METTL6: variants seen among roughly 807,000 people sequenced by gnomAD.
The protein encoded by METTL6 is tRNA N(3)-cytidine methyltransferase METTL6.
METTL6 carries 22 observed loss-of-function variants against 26.4 expected under a neutral mutation model. The observed-to-expected ratio is 0.83, with a 90% CI of 0.59 to 1.19. The LOEUF is 1.19. Among genes scored for constraint, METTL6 ranks in the 50% most tolerant of loss-of-function variants. The probability of loss-of-function intolerance (pLI) is 0.00; values close to 1 mark genes in which losing one functional copy is unlikely to be tolerated. For synonymous variants in METTL6, 109 were observed against 116.2 expected (o/e 0.94, Z 0.40); for missense variants, 304 against 324.8 (o/e 0.94, Z 0.49).
At chr3:15,393,606 T>C (rs1325944871) in intron 6 of METTL6, among the ~76,000 whole-genome samples, 5 of 152,174 alleles carry the variant, frequency 3.3e-5, no homozygotes, top group South Asian at 2.1e-4. Flanking sequence ...CAGTTTTTGC[T>C]CATTCAGTAT....
chr3:15,409,688 C>A (rs186705611), downstream of METTL6, among the ~76,000 whole-genome samples: 65 of 152,168 alleles, frequency 4.3e-4, 1 homozygote, highest in Non-Finnish European at 4.4e-5. Flanking sequence ...TCTCTCCCCC[C>A]CAGGGCAAAC....
Position 15,427,430 on chromosome 3 carries a change from G to A in METTL6, c.-153C>T. On this transcript the variant is annotated 5_prime_UTR_variant, in exon 1 of 6. Coordinates refer to ENST00000383790, the MANE Select transcript of METTL6 (RefSeq NM_152396.4). ...ACAGCCAGCCCCACTGGGCCTCGGA[G>A]GCAGAATACGGGAAGAACCGCGAAA... 1 of 311,158 alleles carries A rather than the reference G, an allele frequency of 3.2e-6. No homozygotes were observed. Among genetic ancestry groups the A allele is most frequent in the South Asian group, 2.8e-5 (1 of 35,798 alleles). The allele number at this position is 311,158 out of a possible 1,614,324, so 19.3% of individuals were successfully genotyped here.
At chr3:15,421,991 A>G (rs896337505) in intron 3 of METTL6, among the ~76,000 whole-genome samples, 1 of 151,930 alleles carries the variant, frequency 6.6e-6, no homozygotes, top group African/African-American at 2.4e-5. Flanking sequence ...TAAGGTTACT[A>G]TTTTCAAAAG....
intron 3 of METTL6, among the ~76,000 whole-genome samples, chr3:15,416,296 G>A (rs1700202956): frequency 6.6e-6 from 1 of 152,204 alleles, no homozygotes; most frequent in African/African-American, 2.4e-5. Flanking sequence ...TGTCTGCTGG[G>A]CTAGAGTGCA....
intron 6 of METTL6, among the ~76,000 whole-genome samples, chr3:15,397,412 C>T (rs1699520147): frequency 6.6e-6 from 1 of 152,110 alleles, no homozygotes; most frequent in Non-Finnish European, 1.5e-5. Flanking sequence ...AAAGGGAATT[C>T]CCCTGACCCC....
chr3:15,414,023 T>A lies in METTL6; in HGVS notation c.671A>T (p.Asp224Val). Residue 224 changes from aspartate to valine, a missense_variant and splice_region_variant, in exon 5 of 6, where the codon GAT (aspartate) becomes GTT (valine). Coordinates refer to ENST00000383790, the MANE Select transcript of METTL6 (RefSeq NM_152396.4). ...QDGTRSYFFT[D>V]DFLAQLFMDT... ...AGACTGGATTCCATTCATCTTACCA[T>A]CAGTAAAAAAATATGATCTGGTCCC... The A allele has an allele frequency of 6.2e-7, 1 of 1,613,828 alleles. No individual in the cohort carries two copies.
intron 6 of METTL6, among the ~76,000 whole-genome samples, chr3:15,397,711 C>T (rs192993018): frequency 1.3e-5 from 2 of 152,118 alleles, no homozygotes; most frequent in African/African-American, 4.8e-5. Flanking sequence ...AACTCAATCA[C>T]CTTTGTAAAG....
chr3:15,388,338 T>C (rs750253965), intron 6 of METTL6, among the ~76,000 whole-genome samples: 1 of 152,164 alleles, frequency 6.6e-6, no homozygotes, highest in Non-Finnish European at 1.5e-5. Flanking sequence ...CTCAAACTCC[T>C]GGCCTCAAGT....
downstream of METTL6, among the ~76,000 whole-genome samples, chr3:15,407,210 G>A (rs1699827307): frequency 6.6e-6 from 1 of 151,806 alleles, no homozygotes; most frequent in Non-Finnish European, 1.5e-5. Flanking sequence ...AGCAGAGACA[G>A]GGTTTTAACA....
intron 6 of METTL6, among the ~76,000 whole-genome samples, chr3:15,391,211 T>C (rs1337379613): frequency 6.6e-6 from 1 of 152,174 alleles, no homozygotes; most frequent in African/African-American, 2.4e-5. Context: ...GCTGAAATCT[T>C]TTTATGAGCA....
At chr3:15,408,425 T>TA (rs1365956633), downstream of METTL6, among the ~76,000 whole-genome samples, 1 of 152,124 alleles carries the variant, frequency 6.6e-6, no homozygotes, top group Non-Finnish European at 1.5e-5. Context: ...TCTGAACACT[T>TA]TTAAGTTAGT....
At chr3:15,399,365 CT>C (rs1699576555) in intron 6 of METTL6, 1 of 152,106 alleles carries the variant, frequency 6.6e-6, no homozygotes, top group Non-Finnish European at 1.5e-5. Context: ...CTTGCTTTCC[CT>C]TTACTCAAAT....
At chr3:15,398,203 T>G (rs974379285) in intron 6 of METTL6, among the ~76,000 whole-genome samples, 1 of 152,160 alleles carries the variant, frequency 6.6e-6, no homozygotes, top group Non-Finnish European at 1.5e-5. Context: ...TGAGATTTTT[T>G]TTTTTTTTGA....
rs6805196 is a variant in METTL6, at chr3:15,410,471, T to C, written c.*785A>G. On this transcript the variant is annotated 3_prime_UTR_variant, in exon 6 of 6. Transcript: ENST00000383790. ...GACTACAGGCACATGCCACCACATTTGGCTAATTTTTGTATTTTCTGTAGA... is the reference window on the plus strand; with the variant it reads ...GACTACAGGCACATGCCACCACATTCGGCTAATTTTTGTATTTTCTGTAGA... 0.38 allele frequency among the ~76,000 whole-genome samples: 56,970 copies of C among 151,898 alleles called. 10,958 individuals carry two copies. Among genetic ancestry groups the C allele is most frequent in the East Asian group, 0.5 (2,555 of 5,158 alleles).
Position 15,410,960 on chromosome 3 carries a change from T to C in METTL6, c.*296A>G, listed in dbSNP as rs1699939888. 3.7e-6 allele frequency: 1 copy of C among 271,684 alleles called. No homozygotes were observed. Among genetic ancestry groups the C allele is most frequent in the Non-Finnish European group, 6.9e-6 (1 of 144,158 alleles). The allele number at this position is 271,684 out of a possible 1,614,324, so 16.8% of individuals were successfully genotyped here. A position where few individuals can be genotyped will look rare whatever the true frequency, so the allele number is the denominator to read the frequency against. ...CAGGCTGGAGTGCAATGGCATGATC[T>C]TGGCTCACTGCAGTCTCCGCCTCTT... On this transcript the variant is annotated 3_prime_UTR_variant, in exon 6 of 6. Coordinates refer to ENST00000383790, the MANE Select transcript of METTL6 (RefSeq NM_152396.4).
At chr3:15,413,825 G>C in intron 5 of METTL6, 196 bp downstream of exon 5, 1 of 1,494,930 alleles carries the variant, frequency 6.7e-7, no homozygotes, top group Non-Finnish European at 8.9e-7. Context: ...ACCAGAGAAG[G>C]CTTGTGAGCT....
chr3:15,405,090 A>T (rs926824384), downstream of METTL6, among the ~76,000 whole-genome samples: 5 of 152,220 alleles, frequency 3.3e-5, no homozygotes, highest in African/African-American at 1.2e-4. Flanking sequence ...CTTTGGCCTT[A>T]ATTCCAAACA....
intron 5 of METTL6, among the ~76,000 whole-genome samples, chr3:15,411,921 C>G (rs1699985389): frequency 6.6e-6 from 1 of 152,014 alleles, no homozygotes; most frequent in Non-Finnish European, 1.5e-5. Context: ...CACTACCATG[C>G]CTGGTTAATT....
chr3:15,414,718 T>C (rs1358469556), intron 4 of METTL6: 1 of 362,870 alleles, frequency 2.8e-6, no homozygotes, highest in African/African-American at 2.2e-5. Context: ...GATTAAAATG[T>C]TAGAGACCAA....
Sources: allele counts gnomAD v4.1 joint callset (sites outside exome capture counted in the v4.1 genomes callset), GRCh38; gene constraint gnomAD v4.1.1; transcripts MANE v1.5; gene names NCBI Gene and HGNC (gene_info 2026-07-23, HGNC 2026-07-21).